The following SAMMSON variants were observed in gnomAD, a reference collection of about 807,000 sequenced individuals.
SAMMSON encodes survival associated mitochondrial melanoma specific oncogenic non-coding RNA, also known as long intergenic non-protein coding RNA 1212.
At chr3:70,274,056 C>CAT (rs1553650989) in intron 6 of SAMMSON, among the ~76,000 whole-genome samples, 2 of 142,852 alleles carry the variant, frequency 1.4e-5, no homozygotes, top group African/African-American at 2.6e-5. Flanking sequence ...ATTAAACCTC[C>CAT]GTGTGTGTGT....
intron 4 of SAMMSON, among the ~76,000 whole-genome samples, chr3:70,234,629 G>T (rs1486412910): frequency 2.7e-5 from 4 of 147,670 alleles, no homozygotes; most frequent in African/African-American, 1.0e-4. Flanking sequence ...GACCAAGTGA[G>T]ACCCTGGCTC....
At chr3:70,232,503 G>A (rs1701570270) in intron 4 of SAMMSON, among the ~76,000 whole-genome samples, 1 of 151,662 alleles carries the variant, frequency 6.6e-6, no homozygotes, top group Non-Finnish European at 1.5e-5. Flanking sequence ...GGGTTCAAGT[G>A]ATTCTCCTGC....
chr3:70,224,625 G>A (rs1701487511), intron 4 of SAMMSON, among the ~76,000 whole-genome samples: 1 of 152,160 alleles, frequency 6.6e-6, no homozygotes, highest in Non-Finnish European at 1.5e-5. Flanking sequence ...GCCAGAGGCA[G>A]TAACGGGGTC....
At chr3:70,086,171 G>A (rs992395658) in intron 4 of SAMMSON, among the ~76,000 whole-genome samples, 2 of 152,154 alleles carry the variant, frequency 1.3e-5, no homozygotes, top group African/African-American at 4.8e-5. Flanking sequence ...TATCTTTGGT[G>A]CTGACAAAAA....
chr3:70,426,010 A>G (rs921513711), intron 2 of SAMMSON, among the ~76,000 whole-genome samples: 1 of 152,212 alleles, frequency 6.6e-6, no homozygotes. Flanking sequence ...TGAAAACTTA[A>G]CAGAAGCAAT....
chr3:70,183,462 G>A (rs1400589029), intron 4 of SAMMSON: 1 of 152,136 alleles, frequency 6.6e-6, no homozygotes, highest in Non-Finnish European at 1.5e-5. Flanking sequence ...TGTTGAATAT[G>A]CGACTGAACC....
intron 6 of SAMMSON, among the ~76,000 whole-genome samples, chr3:70,254,899 T>G (rs1441060158): frequency 6.6e-6 from 1 of 152,242 alleles, no homozygotes; most frequent in Non-Finnish European, 1.5e-5. Flanking sequence ...TCATTGTATT[T>G]CCTTTTCCGA....
chr3:70,300,756 C>G (rs1227762733), intron 7 of SAMMSON, among the ~76,000 whole-genome samples: 1 of 152,026 alleles, frequency 6.6e-6, no homozygotes, highest in Non-Finnish European at 1.5e-5. Flanking sequence ...CCATACTTGG[C>G]TATTTGACCT....
At chr3:70,080,861 T>A (rs958629544) in intron 4 of SAMMSON, among the ~76,000 whole-genome samples, 2 of 152,188 alleles carry the variant, frequency 1.3e-5, no homozygotes, top group Non-Finnish European at 2.9e-5. Flanking sequence ...TGATAACCTT[T>A]GAAGATGTGG....
At chr3:70,047,730 G>A (rs1023857241) in intron 3 of SAMMSON, among the ~76,000 whole-genome samples, 2 of 152,056 alleles carry the variant, frequency 1.3e-5, no homozygotes, top group East Asian at 1.9e-4. Context: ...AACAGTTCTG[G>A]AGCTTGGAAG....
chr3:70,099,618 T>C (rs893400099), intron 4 of SAMMSON, among the ~76,000 whole-genome samples: 2 of 152,242 alleles, frequency 1.3e-5, no homozygotes, highest in Non-Finnish European at 1.5e-5. Context: ...TTATATGTTT[T>C]GCCAAAATTA....
chr3:70,053,150 A>G (rs1402274238), intron 3 of SAMMSON, among the ~76,000 whole-genome samples: 1 of 152,110 alleles, frequency 6.6e-6, no homozygotes, highest in Non-Finnish European at 1.5e-5. Flanking sequence ...ATCCTGGGAA[A>G]TAGGTGGATA....
At chr3:70,168,888 G>C (rs1457224271) in intron 4 of SAMMSON, among the ~76,000 whole-genome samples, 1 of 151,928 alleles carries the variant, frequency 6.6e-6, no homozygotes, top group African/African-American at 2.4e-5. Context: ...TATGTTTGCT[G>C]ACACCTCATT....
intron 4 of SAMMSON, among the ~76,000 whole-genome samples, chr3:70,117,729 G>A (rs1041461483): frequency 2.0e-5 from 3 of 152,020 alleles, no homozygotes; most frequent in African/African-American, 2.4e-5. Context: ...GGCTTGTCCT[G>A]ATCTCAATTT....
At chr3:70,038,934 C>A (rs1350199939) in intron 3 of SAMMSON, among the ~76,000 whole-genome samples, 1 of 152,186 alleles carries the variant, frequency 6.6e-6, no homozygotes, top group African/African-American at 2.4e-5. Context: ...GTTTAGGAGC[C>A]AGTCCGGAGC....
At chr3:70,370,937 A>G (rs561443624) in intron 9 of SAMMSON, among the ~76,000 whole-genome samples, 10 of 152,038 alleles carry the variant, frequency 6.6e-5, no homozygotes, top group Admixed American at 2.0e-4. Context: ...TCTAGTATCC[A>G]TATAGTTTTG....
intron 7 of SAMMSON, among the ~76,000 whole-genome samples, chr3:70,336,858 G>GA (rs1491478364): frequency 1.5e-5 from 2 of 135,768 alleles, no homozygotes; most frequent in Non-Finnish European, 3.2e-5. Flanking sequence ...GTGTGTGTGT[G>GA]GAGAGAGAGA....
chr3:70,077,818 G>A lies in SAMMSON; in HGVS notation n.507+6253G>A, dbSNP rs79467032. On this transcript the variant is annotated intron_variant and non_coding_transcript_variant, in intron 4 of 9. Transcript: ENST00000642114. ...TTTGTCCTCCATTAGTAATAGATAC[G>A]CTGGTCACAAGGCATTGGTTCCCTA... Among the ~76,000 whole-genome samples the A allele has an allele frequency of 7.1e-3, 1,079 of 152,184 alleles. 17 individuals are homozygous for A. The highest frequency in any genetic ancestry group is 0.025 in the African/African-American group (1,022 of 41,506).
intron 4 of SAMMSON, among the ~76,000 whole-genome samples, chr3:70,090,568 TTC>T (rs2067301330): frequency 6.6e-6 from 1 of 152,196 alleles, no homozygotes; most frequent in African/African-American, 2.4e-5. Context: ...CGGGTTTTCG[TTC>T]TCTCTTTATT....
Sources: allele counts gnomAD v4.1 joint callset (sites outside exome capture counted in the v4.1 genomes callset), GRCh38; gene constraint gnomAD v4.1.1; transcripts MANE v1.5; gene names NCBI Gene and HGNC (gene_info 2026-07-23, HGNC 2026-07-21).